Variants in SHOX observed in about 807,000 individuals in gnomAD.
SHOX encodes short stature homeobox protein.
A neutral mutation model predicts 29.6 loss-of-function variants in SHOX; 12 were observed. The observed-to-expected ratio is 0.41, with a 90% CI of 0.26 to 0.66. SHOX has a LOEUF of 0.66. Among genes scored for constraint, SHOX ranks in the 30% least tolerant of loss-of-function variants. SHOX has a pLI of 0.35. For missense variants in SHOX, 499 were observed against 437.7 expected (o/e 1.14, Z -1.25); for synonymous variants, 214 against 200.6 (o/e 1.07, Z -0.57).
chrX:635,567 G>C (rs1332801349), intron 2 of SHOX, among the ~76,000 whole-genome samples: 1 of 152,208 alleles, frequency 6.6e-6, no homozygotes, highest in African/African-American at 2.4e-5. Flanking sequence ...GATGAGCGGA[G>C]ACTATTAGCG....
rs1409100282 is a variant in SHOX at position 644,489 on chromosome X, G to A, written c.732G>A (p.Pro244=). The change falls in exon 5 of 5, where the codon CCG becomes CCA. Residue 244 remains proline, a synonymous_variant. Transcript: ENST00000686671. ...CGCCCTACCTGATGTTCCCCCCGCC[G>A]CCCTTCGGGCTGCCCATCGCGTCGC... ...AHAPYLMFPP[P]PFGLPIASLA... 1 of 1,522,978 alleles carries A rather than the reference G, an allele frequency of 6.6e-7. No individual in the cohort carries two copies. Among genetic ancestry groups the A allele is most frequent in the Non-Finnish European group, 8.8e-7 (1 of 1,142,318 alleles). 94.3% of individuals were successfully genotyped at this position (1,522,978 alleles called of 1,614,324 possible). A position where few individuals can be genotyped will look rare whatever the true frequency, so the allele number is the denominator to read the frequency against.
Position 644,501 on chromosome X carries a change from G to C in SHOX, c.744G>C (p.Leu248=). The change falls in exon 5 of 5, where the codon CTG becomes CTC. Residue 248 remains leucine, a synonymous_variant. Coordinates refer to ENST00000686671, the MANE Select transcript of SHOX (RefSeq NM_000451.4). ...TGTTCCCCCCGCCGCCCTTCGGGCT[G>C]CCCATCGCGTCGCTGGCCGAGTCCG... ...YLMFPPPPFG[L]PIASLAESAS... is the part of the protein sequence containing the mutation. 1.3e-6 allele frequency: 2 copies of C among 1,521,670 alleles called. No homozygotes were observed. Among genetic ancestry groups the C allele is most frequent in the Non-Finnish European group, 1.8e-6 (2 of 1,141,526 alleles). 94.3% of individuals were successfully genotyped at this position (1,521,670 alleles called of 1,614,324 possible). A position where few individuals can be genotyped will look rare whatever the true frequency, so the allele number is the denominator to read the frequency against.
At chrX:641,963 C>T (rs182802336) in intron 4 of SHOX, among the ~76,000 whole-genome samples, 236 of 152,250 alleles carry the variant, frequency 1.6e-3, no homozygotes, top group African/African-American at 5.3e-3. Context: ...GGGCTCTGCA[C>T]CTCTGAGCTG....
rs149127363 is a variant in SHOX, at chrX:645,062, T to C, written c.*426T>C. 2.7e-3 allele frequency: 459 copies of C among 170,376 alleles called. 9 individuals are homozygous for C. The East Asian group carries it at 0.052, about 19-fold the overall frequency. 10.6% of individuals were successfully genotyped at this position (170,376 alleles called of 1,614,324 possible). A position where few individuals can be genotyped will look rare whatever the true frequency, so the allele number is the denominator to read the frequency against. On this transcript the variant is annotated 3_prime_UTR_variant, in exon 5 of 5. Coordinates refer to ENST00000686671, the MANE Select transcript of SHOX (RefSeq NM_000451.4). The stretch of plus-strand genomic sequence containing the variant: ...TCCGATGAAAATGCCATTTCTTCGT[T>C]GCCAACGATTTTCTTTACTACCATG...
chrX:627,755 G>A (rs1314596296), upstream of SHOX, among the ~76,000 whole-genome samples: 1 of 152,070 alleles, frequency 6.6e-6, no homozygotes. Context: ...TAGACAAAGG[G>A]GTCCAGATTG....
At chrX:631,351 A>C in intron 1 of SHOX, 177 bp downstream of exon 1, 2 of 342,920 alleles carry the variant, frequency 5.8e-6, no homozygotes, top group Non-Finnish European at 8.2e-6. Flanking sequence ...AGTGGACCCG[A>C]CCGGAGACGC....
intron 1 of SHOX, among the ~76,000 whole-genome samples, chrX:633,808 C>G (rs1241051281): frequency 6.6e-6 from 1 of 152,082 alleles, no homozygotes; most frequent in Non-Finnish European, 1.5e-5. Context: ...ACACCTTTTA[C>G]TTAAACCCCT....
At chrX:640,279 A>G (rs1234823117) in intron 2 of SHOX, among the ~76,000 whole-genome samples, 1 of 152,018 alleles carries the variant, frequency 6.6e-6, no homozygotes, top group Non-Finnish European at 1.5e-5. Context: ...TGGGAGGTGG[A>G]GGTTGCAGGG....
chrX:640,925 A>C (rs2052842015), intron 3 of SHOX, 47 bp downstream of exon 3: 1 of 1,613,498 alleles, frequency 6.2e-7, no homozygotes, highest in Non-Finnish European at 8.5e-7. Flanking sequence ...ATCCTGCTCC[A>C]GGAGGGATGG....
chrX:631,004 G>A lies in SHOX; in HGVS notation c.107G>A (p.Arg36Gln), dbSNP rs757712337. The change falls in exon 1 of 5, where the codon CGG becomes CAG. Residue 36 changes from arginine to glutamine, a missense_variant. Transcript: ENST00000686671. Reference sequence around the variant, plus strand: ...GGTAAGAAGGATTCCATTACGTACCGGGAAGTTTTGGAGAGCGGACTGGCG... The same window carrying A: ...GGTAAGAAGGATTCCATTACGTACCAGGAAGTTTTGGAGAGCGGACTGGCG... ...GGGKKDSITY[R>Q]EVLESGLARS... 8.1e-6 allele frequency: 13 copies of A among 1,613,772 alleles called. No homozygotes were observed. The highest frequency in any genetic ancestry group is 1.3e-5 in the African/African-American group (1 of 74,916).
upstream of SHOX, among the ~76,000 whole-genome samples, chrX:626,544 C>CTT (rs1178749455): frequency 4.8e-4 from 11 of 22,992 alleles, no homozygotes; most frequent in Admixed American, 1.3e-3. Flanking sequence ...CTACCTCTGT[C>CTT]TCTCTCTCTC....
At chrX:634,934 C>T (rs1212180335) in intron 2 of SHOX, 108 bp downstream of exon 2, 2 of 1,230,222 alleles carry the variant, frequency 1.6e-6, no homozygotes, top group East Asian at 2.6e-5. Flanking sequence ...GTCCCCTTCC[C>T]GGAGCGCGGG....
chrX:625,429 C>T (rs759349898), intron 1 of SHOX, among the ~76,000 whole-genome samples: 43 of 152,198 alleles, frequency 2.8e-4, no homozygotes, highest in African/African-American at 1.0e-3. Context: ...AAAGTCTCTT[C>T]TCATCGGCTT....
At chrX:654,338 G>C (rs1309474742), downstream of SHOX, among the ~76,000 whole-genome samples, 1 of 151,452 alleles carries the variant, frequency 6.6e-6, no homozygotes, top group Non-Finnish European at 1.5e-5. Context: ...AAAACTTAAA[G>C]TATAATAATA....
Position 650,472 on chromosome X carries a change from G to T in SHOX, c.*5836G>T, listed in dbSNP as rs2053037748. On this transcript the variant is annotated 3_prime_UTR_variant, in exon 5 of 5. Coordinates refer to ENST00000686671, the MANE Select transcript of SHOX (RefSeq NM_000451.4). The stretch of plus-strand genomic sequence containing the variant: ...TACCGCAGAGTCTGGGGACAGCTGG[G>T]CGTTTAACCGAAATGAAGCCGAGAC... Among the ~76,000 whole-genome samples, 1 of 152,146 alleles carries T rather than the reference G, an allele frequency of 6.6e-6. No individual in the cohort carries two copies.
At chrX:635,722 A>C (rs1371360043) in intron 2 of SHOX, among the ~76,000 whole-genome samples, 1 of 152,134 alleles carries the variant, frequency 6.6e-6, no homozygotes, top group Non-Finnish European at 1.5e-5. Context: ...TAAAGGTATG[A>C]GTTTATTTCA....
chrX:637,330 A>G (rs1475904399), intron 2 of SHOX, among the ~76,000 whole-genome samples: 3 of 152,060 alleles, frequency 2.0e-5, no homozygotes, highest in Non-Finnish European at 2.9e-5. Context: ...TGTGCCTGGG[A>G]TCTGCAATAT....
At position 644,465 on chromosome X, in the gene SHOX, G is replaced by A; in HGVS notation, c.708G>A (p.Ala236=). ...TGCACCCGCACCTGGCGGCGCACGCGCCCTACCTGATGTTCCCCCCGCCGC... is the reference window on the plus strand; with the variant it reads ...TGCACCCGCACCTGGCGGCGCACGCACCCTACCTGATGTTCCCCCCGCCGC... ...PHLHPHLAAH[A]PYLMFPPPPF... is the part of the protein sequence containing the mutation. The change falls in exon 5 of 5, where the codon GCG becomes GCA. Residue 236 remains alanine, a synonymous_variant. Coordinates refer to ENST00000686671, the MANE Select transcript of SHOX (RefSeq NM_000451.4). The A allele has an allele frequency of 1.3e-6, 2 of 1,525,096 alleles. No homozygotes were observed. The highest frequency in any genetic ancestry group is 1.4e-5 in the African/African-American group (1 of 70,706). 94.5% of individuals were successfully genotyped at this position (1,525,096 alleles called of 1,614,324 possible).
chrX:625,391 G>A (rs369277065), intron 1 of SHOX, among the ~76,000 whole-genome samples: 2 of 151,986 alleles, frequency 1.3e-5, no homozygotes, highest in South Asian at 4.2e-4. Flanking sequence ...ACAGGGAGGC[G>A]GTCACATACG....
Sources: allele counts gnomAD v4.1 joint callset (sites outside exome capture counted in the v4.1 genomes callset), GRCh38; gene constraint gnomAD v4.1.1; transcripts MANE v1.5; gene names NCBI Gene and HGNC (gene_info 2026-07-23, HGNC 2026-07-21).